ZNF428: variants seen among roughly 807,000 people sequenced by gnomAD.
ZNF428 encodes enzyme-like protein PIT13.
A neutral mutation model predicts 15.6 loss-of-function variants in ZNF428; 5 were observed. That is an observed-to-expected ratio of 0.32 (90% CI 0.17 to 0.67). The LOEUF is 0.67. Ranked by LOEUF, ZNF428 falls within the 30% of genes least tolerant of loss-of-function variation. The pLI is 0.73. For synonymous variants in ZNF428, 97 were observed against 102.2 expected, an observed-to-expected ratio of 0.95 and a Z score of 0.31; for missense variants, 237 against 256.0, an observed-to-expected ratio of 0.93 and a Z score of 0.51.
chr19:43,614,391 C>T lies in ZNF428; in HGVS notation c.-87G>A. 1 of 1,505,396 alleles carries T rather than the reference C, an allele frequency of 6.6e-7. No individual in the cohort carries two copies. Among genetic ancestry groups the T allele is most frequent in the Non-Finnish European group, 8.8e-7 (1 of 1,132,188 alleles). The allele number at this position is 1,505,396 out of a possible 1,614,324, so 93.3% of individuals were successfully genotyped here. A position where few individuals can be genotyped will look rare whatever the true frequency, so the allele number is the denominator to read the frequency against. On this transcript the variant is annotated 5_prime_UTR_variant, in exon 2 of 3. Coordinates refer to ENST00000300811, the MANE Select transcript of ZNF428 (RefSeq NM_182498.4). ...CAGCTCTCCACAGCCACACCTCCGGCCACAAGTTCTCTAATACAGGATGTT... is the reference window on the plus strand; with the variant it reads ...CAGCTCTCCACAGCCACACCTCCGGTCACAAGTTCTCTAATACAGGATGTT...
Position 43,612,700 on chromosome 19 carries a change from G to T in ZNF428, c.76+1529C>A. ...ACAGCCAGCCTAGAAATCTGAGCAA[G>T]AAGAGTTACCGCCCACCAGGAGGCT... On this transcript the variant is annotated intron_variant, in intron 2 of 2. Transcript: ENST00000300811. This position sits in a 1 kb window ranked among gnomAD's most constrained non-coding sequence, Gnocchi z 4.2. The T allele has an allele frequency of 1.3e-6, 2 of 1,551,604 alleles. No homozygotes were observed. Among genetic ancestry groups the T allele is most frequent in the Non-Finnish European group, 1.7e-6 (2 of 1,146,988 alleles).
chr19:43,614,256 C>T lies in ZNF428; in HGVS notation c.49G>A (p.Glu17Lys), dbSNP rs1973348939. The T allele has an allele frequency of 6.2e-7, 1 of 1,613,896 alleles. No homozygotes were observed. Among genetic ancestry groups the T allele is most frequent in the African/African-American group, 1.3e-5 (1 of 74,930 alleles). Residue 17 changes from glutamate (E) to lysine (K), a missense_variant, in exon 2 of 3, where the codon GAA (glutamate) becomes AAA (lysine). Coordinates refer to ENST00000300811, the MANE Select transcript of ZNF428 (RefSeq NM_182498.4). ...GGGGAAAGGTCTTCATCATCTTCTT[C>T]CAAGCTGGCGTAGCCCCCAGTCTCA... is the stretch of plus-strand genomic sequence containing the variant. ...PAETGGYASL[E>K]EDDEDLSPGP... is the part of the protein sequence containing the mutation.
At chr19:43,613,047 GA>G in intron 2 of ZNF428, 2 of 1,551,614 alleles carry the variant, frequency 1.3e-6, no homozygotes, top group Non-Finnish European at 1.7e-6. Flanking sequence ...AGTTGGAAGA[GA>G]AACCATAGCA....
intron 1 of ZNF428, among the ~76,000 whole-genome samples, chr19:43,617,588 T>C (rs1973384232): frequency 6.6e-6 from 1 of 152,276 alleles, no homozygotes; most frequent in South Asian, 2.1e-4. Flanking sequence ...AGGAGAATTC[T>C]AATGATACCC....
intron 2 of ZNF428, among the ~76,000 whole-genome samples, 162 bp from the exon 3 acceptor site, chr19:43,608,269 A>G (rs1018479133): frequency 6.6e-6 from 1 of 151,828 alleles, no homozygotes; most frequent in Non-Finnish European, 1.5e-5. Context: ...ATGGCACAGA[A>G]CAAGACTGGC....
intron 2 of ZNF428, chr19:43,613,436 C>A (rs1411475829): frequency 5.2e-6 from 8 of 1,544,196 alleles, no homozygotes; most frequent in Non-Finnish European, 8.7e-7. Flanking sequence ...AGATTGCAGC[C>A]GATCTAGAAG....
Position 43,607,725 on chromosome 19 carries a change from C to G in ZNF428, c.459G>C (p.Glu153Asp). The G allele has an allele frequency of 6.2e-7, 1 of 1,605,860 alleles. No homozygotes were observed. The highest frequency in any genetic ancestry group is 8.5e-7 in the Non-Finnish European group (1 of 1,175,882). The change falls in exon 3 of 3, where the codon GAG becomes GAC. Residue 153 changes from glutamate (E) to aspartate (D), a missense_variant. Physicochemically the swap from Glu to Asp is conservative, Grantham distance 45. Transcript: ENST00000300811. This position sits in a 1 kb window ranked among gnomAD's most constrained non-coding sequence, Gnocchi z 5.1. ...EGRPAGREEE[E>D]EEEEEGTYHC... ...GGTAGGTTCCCTCCTCCTCCTCTTC[C>G]TCCTCCTCCTCCCGCCCAGCTGGTC...
Position 43,607,947 on chromosome 19 carries a change from G to T in ZNF428, c.237C>A (p.Ser79=), listed in dbSNP as rs1322351742. 1 of 1,588,458 alleles carries T rather than the reference G, an allele frequency of 6.3e-7. No homozygotes were observed. The highest frequency in any genetic ancestry group is 8.6e-7 in the Non-Finnish European group (1 of 1,167,702). Residue 79 remains serine, a synonymous_variant, in exon 3 of 3, where the codon TCC becomes TCA. Transcript: ENST00000300811. This position sits in a 1 kb window ranked among gnomAD's most constrained non-coding sequence, Gnocchi z 5.1. ...QRLGGGRGGP[S]RRAPRAAQPP... ...GCTGGGCTGCACGGGGGGCCCGGCGGGATGGGCCACCACGGCCCCCGCCAA... is the reference window on the plus strand; with the variant it reads ...GCTGGGCTGCACGGGGGGCCCGGCGTGATGGGCCACCACGGCCCCCGCCAA...
chr19:43,609,189 A>G lies in ZNF428; in HGVS notation c.77-1082T>C, dbSNP rs148695836. On this transcript the variant is annotated intron_variant, in intron 2 of 2. Coordinates refer to ENST00000300811, the MANE Select transcript of ZNF428 (RefSeq NM_182498.4). ...TTGATGGATGTGGAAACTGAGGCAC[A>G]GGGAGGCTAGACGACTCACTCCCCT... is the stretch of plus-strand genomic sequence containing the variant. Among the ~76,000 whole-genome samples the G allele has an allele frequency of 2.9e-3, 446 of 152,280 alleles. 3 individuals carry two copies. The highest frequency in any genetic ancestry group is 5.5e-3 in the Non-Finnish European group (372 of 68,026).
chr19:43,612,393 C>A lies in ZNF428; in HGVS notation c.76+1836G>T, dbSNP rs1383283542. 3 of 1,551,540 alleles carry A rather than the reference C, an allele frequency of 1.9e-6. No individual in the cohort carries two copies. Among genetic ancestry groups the A allele is most frequent in the African/African-American group, 2.7e-5 (2 of 73,002 alleles). On this transcript the variant is annotated intron_variant, in intron 2 of 2. Transcript: ENST00000300811. This position sits in a 1 kb window ranked among gnomAD's most constrained non-coding sequence, Gnocchi z 4.2. ...CGAGTCCGCAGCAAAGCAAGAACACCCAGCAGGGTGAGCACCGACACCAGG... is the reference window on the plus strand; with the variant it reads ...CGAGTCCGCAGCAAAGCAAGAACACACAGCAGGGTGAGCACCGACACCAGG...
intron 2 of ZNF428, among the ~76,000 whole-genome samples, chr19:43,609,105 T>C (rs945737278): frequency 2.0e-5 from 3 of 152,112 alleles, no homozygotes; most frequent in Non-Finnish European, 4.4e-5. Flanking sequence ...CCTGTTCTTA[T>C]ACATTAACTC....
At chr19:43,613,429 T>C in intron 2 of ZNF428, 9 of 1,528,496 alleles carry the variant, frequency 5.9e-6, no homozygotes, top group Non-Finnish European at 8.0e-6. Context: ...AGGCGAGAGA[T>C]TGCAGCCGAT....
chr19:43,617,724 C>G (rs1049487411), intron 1 of ZNF428, among the ~76,000 whole-genome samples: 1 of 152,146 alleles, frequency 6.6e-6, no homozygotes, highest in Non-Finnish European at 1.5e-5. Context: ...GTTTTTGTTG[C>G]GGAGATGGTG....
chr19:43,613,559 A>G (rs947761213), intron 2 of ZNF428: 2 of 1,551,320 alleles, frequency 1.3e-6, no homozygotes, highest in Admixed American at 3.9e-5. Flanking sequence ...TAGAAGCCCC[A>G]GCAAGGAAAG....
Position 43,613,539 on chromosome 19 carries a change from G to A in ZNF428, c.76+690C>T, listed in dbSNP as rs764654937. On this transcript the variant is annotated intron_variant, in intron 2 of 2. Coordinates refer to ENST00000300811, the MANE Select transcript of ZNF428 (RefSeq NM_182498.4). ...AGAAGTCCCAACAAGGCGAGAGATC[G>A]CAGCCGATCTAGAAGCCCCAGCAAG... 37 of 1,549,292 alleles carry A rather than the reference G, an allele frequency of 2.4e-5. No homozygotes were observed. Among genetic ancestry groups the A allele is most frequent in the South Asian group, 9.5e-5 (8 of 83,928 alleles).
At chr19:43,618,322 C>T (rs1261258663) in intron 1 of ZNF428, among the ~76,000 whole-genome samples, 1 of 151,952 alleles carries the variant, frequency 6.6e-6, no homozygotes, top group East Asian at 1.9e-4. Flanking sequence ...CGTGAGCCAC[C>T]GCGCCCAGCC....
chr19:43,607,688 A>G lies in ZNF428; in HGVS notation c.496T>C (p.Cys166Arg), dbSNP rs1236486101. 1 of 1,613,464 alleles carries G rather than the reference A, an allele frequency of 6.2e-7. No individual in the cohort carries two copies. Among genetic ancestry groups the G allele is most frequent in the Non-Finnish European group, 8.5e-7 (1 of 1,179,760 alleles). Reference sequence around the variant, plus strand: ...CCCAGGTTGTCGAAGGAATCCTCACATTCCGTACAGTGGTAGGTTCCCTCC... The same window carrying G: ...CCCAGGTTGTCGAAGGAATCCTCACGTTCCGTACAGTGGTAGGTTCCCTCC... The part of the protein sequence containing the change: ...EEEGTYHCTE[C>R]EDSFDNLGEL... Residue 166 changes from cysteine (C) to arginine (R), a missense_variant, in exon 3 of 3, where the codon TGT becomes CGT. Cys to Arg is a radical substitution (Grantham distance 180, BLOSUM62 -3). Coordinates refer to ENST00000300811, the MANE Select transcript of ZNF428 (RefSeq NM_182498.4). The surrounding 1 kb of genome is among the most constrained non-coding windows in gnomAD (Gnocchi z 5.1).
Position 43,607,396 on chromosome 19 carries a change from A to ACAC in ZNF428, c.*220_*221insGTG, listed in dbSNP as rs1568532920. On this transcript the variant is annotated 3_prime_UTR_variant, in exon 3 of 3. Transcript: ENST00000300811. This position sits in a 1 kb window ranked among gnomAD's most constrained non-coding sequence, Gnocchi z 5.1. ...ATACACACACACACACACACACACA[A>ACAC]ACACACACACGGGCGGGAATACACA... 19 of 528,872 alleles carry ACAC rather than the reference A, an allele frequency of 3.6e-5. No homozygotes were observed. The African/African-American group carries it at 4.1e-4, about 11-fold the overall frequency. 32.8% of individuals were successfully genotyped at this position (528,872 alleles called of 1,614,324 possible).
In ZNF428 at chr19:43,614,367, A is replaced by G. The variant is rs1973350644; in HGVS notation, c.-63T>C. 2.0e-6 allele frequency: 3 copies of G among 1,530,714 alleles called. No individual in the cohort carries two copies. The highest frequency in any genetic ancestry group is 1.7e-6 in the Non-Finnish European group (2 of 1,143,498). 94.8% of individuals were successfully genotyped at this position (1,530,714 alleles called of 1,614,324 possible). ...AGCTGAGCAGCGTCCCTCCCCGGCC[A>G]GCTCTCCACAGCCACACCTCCGGCC... is the stretch of plus-strand genomic sequence containing the variant. On this transcript the variant is annotated 5_prime_UTR_variant, in exon 2 of 3. Coordinates refer to ENST00000300811, the MANE Select transcript of ZNF428 (RefSeq NM_182498.4).
Sources: allele counts gnomAD v4.1 joint callset (sites outside exome capture counted in the v4.1 genomes callset), GRCh38; gene constraint gnomAD v4.1.1; non-coding constraint Gnocchi (gnomAD v3.1); transcripts MANE v1.5; gene names NCBI Gene and HGNC (gene_info 2026-07-23, HGNC 2026-07-21).